ZNF607: variants seen among roughly 807,000 people sequenced by gnomAD.
ZNF607 encodes the protein zinc finger protein 607.
Under a neutral mutation model 12.8 loss-of-function variants are expected in ZNF607, and 5 were observed. That is an observed-to-expected ratio of 0.39 (90% CI 0.20 to 0.82). The LOEUF is 0.82. ZNF607 is among the 40% of genes least tolerant of loss of function. The pLI is 0.39. For missense variants in ZNF607, 851 were observed against 859.2 expected, an observed-to-expected ratio of 0.99 and a Z score of 0.12; for synonymous variants, 287 against 276.2, an observed-to-expected ratio of 1.04 and a Z score of -0.39.
rs145122867 is a variant in ZNF607 at position 37,699,096 on chromosome 19, A to T, written c.1035T>A (p.Ala345=). 6.2e-7 allele frequency: 1 copy of T among 1,613,978 alleles called. No homozygotes were observed. The highest frequency in any genetic ancestry group is 1.3e-5 in the African/African-American group (1 of 74,894). ...KHYECKENGE[A]FSSGHQLTAP... is the part of the protein sequence containing the mutation. ...CAGTAAGTTGATGGCCACTACTAAAAGCCTCCCCATTTTCTTTACATTCAT... is the reference window on the plus strand; with the variant it reads ...CAGTAAGTTGATGGCCACTACTAAATGCCTCCCCATTTTCTTTACATTCAT... The change falls in exon 5 of 5, where the codon GCT becomes GCA. Residue 345 remains alanine (A), a synonymous_variant. Coordinates refer to ENST00000355202, the MANE Select transcript of ZNF607 (RefSeq NM_032689.5).
chr19:37,713,233 G>T (rs990778072), intron 1 of ZNF607, among the ~76,000 whole-genome samples: 6 of 151,806 alleles, frequency 4.0e-5, no homozygotes, highest in African/African-American at 1.5e-4. Context: ...TCTCTGTTAC[G>T]TGACATCACC....
At chr19:37,705,680 C>G (rs7246461) in intron 4 of ZNF607, among the ~76,000 whole-genome samples, 94,172 of 130,632 alleles carry the variant, frequency 0.72, 34,799 homozygotes, top group Middle Eastern at 0.84. Context: ...GCAAGACTCT[C>G]TCTCCAAAAA....
At chr19:37,701,869 G>A (rs948240132) in intron 4 of ZNF607, among the ~76,000 whole-genome samples, 1 of 149,654 alleles carries the variant, frequency 6.7e-6, no homozygotes, top group Non-Finnish European at 1.5e-5. Context: ...ATATAACCAT[G>A]GGGGGGAGAC....
At chr19:37,709,242 C>T (rs975839266) in intron 3 of ZNF607, among the ~76,000 whole-genome samples, 1 of 152,212 alleles carries the variant, frequency 6.6e-6, no homozygotes, top group Admixed American at 6.5e-5. Flanking sequence ...GTCCACCACT[C>T]TATGCCTATA....
Position 37,698,346 on chromosome 19 carries a change from C to T in ZNF607, c.1785G>A (p.Gly595=), listed in dbSNP as rs770445801. 7.4e-6 allele frequency: 12 copies of T among 1,613,902 alleles called. No homozygotes were observed. The highest frequency in any genetic ancestry group is 9.3e-6 in the Non-Finnish European group (11 of 1,180,002). ...GATGTGAAGCATGACTAAAAGTTTC[C>T]CCACATTCTTTACATTCATAGGACT... The part of the protein sequence containing the change: ...GEKSYECKEC[G]ETFSHASHLI... Residue 595 remains glycine (G), a synonymous_variant, in exon 5 of 5, where the codon GGG becomes GGA. Transcript: ENST00000355202.
At chr19:37,707,391 T>C (rs2045093773) in intron 4 of ZNF607, among the ~76,000 whole-genome samples, 1 of 151,914 alleles carries the variant, frequency 6.6e-6, no homozygotes, top group Non-Finnish European at 1.5e-5. Flanking sequence ...CTTCAGAGGA[T>C]AAGACTGTGC....
Position 37,699,378 on chromosome 19 carries a change from C to G in ZNF607, c.753G>C (p.Lys251Asn), listed in dbSNP as rs1200851035. The G allele has an allele frequency of 1.4e-5, 23 of 1,613,818 alleles. No individual in the cohort carries two copies. Among genetic ancestry groups the G allele is most frequent in the Non-Finnish European group, 1.9e-5 (23 of 1,179,974 alleles). ...SRHQSIHTGE[K>N]PFECNKCGKS... The stretch of plus-strand genomic sequence containing the variant: ...TCCCACATTTGTTACATTCAAAGGG[C>G]TTCTCACCAGTGTGAATACTCTGAT... Residue 251 changes from lysine to asparagine, a missense_variant, in exon 5 of 5, where the codon AAG (lysine) becomes AAC (asparagine). Lys to Asn is a moderately conservative substitution (Grantham distance 94). Transcript: ENST00000355202.
At position 37,699,392 on chromosome 19, in the gene ZNF607, G is replaced by T. The variant is rs2045016941; in HGVS notation, c.739C>A (p.His247Asn). The stretch of plus-strand genomic sequence containing the variant: ...CATTCAAAGGGCTTCTCACCAGTGT[G>T]AATACTCTGATGTCGACTAAGTCGT... ...YGRLSRHQSI[H>N]TGEKPFECNK... Residue 247 changes from histidine (H) to asparagine (N), a missense_variant, in exon 5 of 5, where the codon CAC (histidine) becomes AAC (asparagine). Transcript: ENST00000355202. 5.6e-6 allele frequency: 9 copies of T among 1,614,100 alleles called. No individual in the cohort carries two copies. Among genetic ancestry groups the T allele is most frequent in the Non-Finnish European group, 7.6e-6 (9 of 1,180,022 alleles).
chr19:37,701,684 T>C (rs1418861027), intron 4 of ZNF607, among the ~76,000 whole-genome samples: 1 of 152,242 alleles, frequency 6.6e-6, no homozygotes, highest in Non-Finnish European at 1.5e-5. Flanking sequence ...GAAAATTTTA[T>C]ATTCGAGTGC....
At chr19:37,704,161 A>T (rs927066967) in intron 4 of ZNF607, among the ~76,000 whole-genome samples, 16 of 152,150 alleles carry the variant, frequency 1.1e-4, no homozygotes, top group African/African-American at 2.2e-4. Context: ...AAAGAAAAAA[A>T]ATATATAACT....
In ZNF607 at chr19:37,698,298, A is replaced by G; in HGVS notation, c.1833T>C (p.His611=). The G allele has an allele frequency of 6.2e-7, 1 of 1,614,186 alleles. No individual in the cohort carries two copies. Among genetic ancestry groups the G allele is most frequent in the Non-Finnish European group, 8.5e-7 (1 of 1,180,026 alleles). ...TACATTCATAGGGTTTATCACTGGT[A>G]TGAATTCTCTCATGAATAATAAGAT... ...ASHLIIHERI[H]TSDKPYECKR... Residue 611 remains histidine (H), a synonymous_variant, in exon 5 of 5, where the codon CAT becomes CAC. Transcript: ENST00000355202.
At position 37,696,843 on chromosome 19, in the gene ZNF607, T is replaced by C; in HGVS notation, c.*1197A>G. 1 of 864,804 alleles carries C rather than the reference T, an allele frequency of 1.2e-6. No individual in the cohort carries two copies. 53.6% of individuals were successfully genotyped at this position (864,804 alleles called of 1,614,324 possible). On this transcript the variant is annotated 3_prime_UTR_variant, in exon 5 of 5. Transcript: ENST00000355202. Reference sequence around the variant, plus strand: ...CCACCACAAATCTGGCGCTCTCTGCTTCCTGGGGGGCCACCTGTCTGTTAA... The same window carrying C: ...CCACCACAAATCTGGCGCTCTCTGCCTCCTGGGGGGCCACCTGTCTGTTAA...
Position 37,697,932 on chromosome 19 carries a change from C to T in ZNF607, c.*108G>A. 1 of 1,117,112 alleles carries T rather than the reference C, an allele frequency of 9.0e-7. No homozygotes were observed. The highest frequency in any genetic ancestry group is 2.4e-5 in the Admixed American group (1 of 41,158). The allele number at this position is 1,117,112 out of a possible 1,614,324, so 69.2% of individuals were successfully genotyped here. ...AAATTGATGCCTAATAAAAACTGAA[C>T]TGTATCTCAAAGCCATTCCACATTG... On this transcript the variant is annotated 3_prime_UTR_variant, in exon 5 of 5. Coordinates refer to ENST00000355202, the MANE Select transcript of ZNF607 (RefSeq NM_032689.5).
intron 3 of ZNF607, among the ~76,000 whole-genome samples, 185 bp from the exon 4 acceptor site, chr19:37,708,197 ATTT>A (rs879454311): frequency 2.1e-5 from 3 of 141,178 alleles, no homozygotes; most frequent in Admixed American, 7.1e-5. Flanking sequence ...TTCAAAAAAA[ATTT>A]TTTTTTTTTT....
chr19:37,712,396 A>C (rs2045140630), intron 1 of ZNF607, among the ~76,000 whole-genome samples: 1 of 152,190 alleles, frequency 6.6e-6, no homozygotes, highest in African/African-American at 2.4e-5. Context: ...CTGTAGTCCC[A>C]GCTACCCAGG....
intron 1 of ZNF607, among the ~76,000 whole-genome samples, chr19:37,712,554 C>T (rs1413715579): frequency 6.6e-6 from 1 of 152,154 alleles, no homozygotes; most frequent in Non-Finnish European, 1.5e-5. Context: ...TTATATCTCA[C>T]TATGTATTCC....
At chr19:37,711,739 C>T (rs2045135284) in intron 1 of ZNF607, 47 bp from the exon 2 acceptor site, 1 of 919,478 alleles carries the variant, frequency 1.1e-6, no homozygotes, top group East Asian at 2.4e-5. Flanking sequence ...TAGTGGTCCC[C>T]ATAGGACTCA....
Position 37,698,463 on chromosome 19 carries a change from G to A in ZNF607, c.1668C>T (p.Ser556=), listed in dbSNP as rs201608050. 91 of 1,613,748 alleles carry A rather than the reference G, an allele frequency of 5.6e-5. 1 individual carries two copies. The East Asian group carries it at 1.8e-3, about 31-fold the overall frequency. The change falls in exon 5 of 5, where the codon AGC becomes AGT. Residue 556 remains serine, a synonymous_variant. Transcript: ENST00000355202. Reference sequence around the variant, plus strand: ...CCTTACATTCGTAGGGTTTCTCAGCGCTATGAATATTCTGATGGGCTTTAA... The same window carrying A: ...CCTTACATTCGTAGGGTTTCTCAGCACTATGAATATTCTGATGGGCTTTAA... ...SVLKAHQNIH[S]AEKPYECKEC... is the part of the protein sequence containing the mutation.
chr19:37,704,825 C>T (rs528727296), intron 4 of ZNF607, among the ~76,000 whole-genome samples: 8 of 67,222 alleles, frequency 1.2e-4, no homozygotes, highest in East Asian at 4.5e-4. Flanking sequence ...GGCATGGTGG[C>T]GGGCGCCTGT....
Sources: gnomAD v4.1 joint callset for allele counts (sites outside exome capture counted in the v4.1 genomes callset) on GRCh38, gnomAD v4.1.1 for gene constraint, MANE v1.5 for transcripts, NCBI Gene and HGNC (gene_info 2026-07-23, HGNC 2026-07-21) for gene names.